Variants in FLVCR2 observed in about 807,000 individuals in gnomAD.
FLVCR2 encodes choline/ethanolamine transporter FLVCR2.
In FLVCR2, 38 loss-of-function variants were observed where a neutral mutation model predicts 48.9. That is an observed-to-expected ratio of 0.78 (90% CI 0.60 to 1.02). FLVCR2 has a LOEUF of 1.02. Among genes scored for constraint, FLVCR2 ranks in the 50% least tolerant of loss-of-function variants. The pLI is 0.00. For synonymous variants in FLVCR2, 255 were observed against 257.0 expected (o/e 0.99, Z 0.07); for missense variants, 664 against 663.3 (o/e 1.00, Z -0.01).
intron 1 of FLVCR2, among the ~76,000 whole-genome samples, chr14:75,595,455 G>A: frequency 6.6e-6 from 1 of 152,226 alleles, no homozygotes; most frequent in East Asian, 1.9e-4. Flanking sequence ...ACCCAGAGAG[G>A]CTGAGAGTTT....
At chr14:75,586,889 A>T (rs1888765432) in intron 1 of FLVCR2, among the ~76,000 whole-genome samples, 1 of 152,112 alleles carries the variant, frequency 6.6e-6, no homozygotes, top group African/African-American at 2.4e-5. Flanking sequence ...GGTTTTAAAA[A>T]ATTGTGCCAG....
chr14:75,641,815 CT>C, intron 8 of FLVCR2, 27 bp from the exon 9 acceptor site: 1 of 1,603,548 alleles, frequency 6.2e-7, no homozygotes, highest in South Asian at 1.1e-5. Flanking sequence ...ATTTTTGTCT[CT>C]CTTCCTTCTC....
At chr14:75,579,686 T>C in intron 1 of FLVCR2, 45 bp downstream of exon 1, 1 of 1,597,774 alleles carries the variant, frequency 6.3e-7, no homozygotes, top group Non-Finnish European at 8.6e-7. Context: ...GTGTGTTAGA[T>C]TGCACCTAAC....
In FLVCR2 at chr14:75,587,888, C is replaced by G. The variant is rs565296305; in HGVS notation, c.669+8247C>G. Among the ~76,000 whole-genome samples the G allele has an allele frequency of 3.9e-4, 59 of 152,274 alleles. No homozygotes were observed. The South Asian group carries it at 0.012, about 32-fold the overall frequency. On this transcript the variant is annotated intron_variant, in intron 1 of 9. Transcript: ENST00000238667. ...GGACTTCGCCAGGACCTTTGGGTAG[C>G]TCATAGCACAGTGCAATCTAGAAAT... is the stretch of plus-strand genomic sequence containing the variant.
intron 1 of FLVCR2, among the ~76,000 whole-genome samples, chr14:75,584,428 C>T (rs1047440632): frequency 2.0e-5 from 3 of 152,142 alleles, no homozygotes; most frequent in African/African-American, 7.2e-5. Context: ...AAGGCGCCTT[C>T]CGGCCCCTCT....
chr14:75,639,367 AGTCT>A lies in FLVCR2; in HGVS notation c.1141_1144del (p.Val381IlefsTer3), dbSNP rs765116778. ...CTACTTGTAGAGAGACAACCCTGGT[AGTCT>A]ATATCATGACACTGGTGGGCATGGT... On this transcript the variant is annotated frameshift_variant, in exon 6 of 10. Transcript: ENST00000238667. LOFTEE classifies it high-confidence loss of function. 6.2e-7 allele frequency: 1 copy of A among 1,610,102 alleles called. No individual in the cohort carries two copies.
At position 75,582,810 on chromosome 14, in the gene FLVCR2, G is replaced by A. The variant is rs543422683; in HGVS notation, c.669+3169G>A. On this transcript the variant is annotated intron_variant, in intron 1 of 9. Transcript: ENST00000238667. ...TTTGCTTTTGTGAGTTTATAAAATG[G>A]TTTAGTCAGGATGGTAAAACTAGGT... 4.4e-4 allele frequency among the ~76,000 whole-genome samples: 67 copies of A among 152,190 alleles called. 1 individual carries two copies. Among genetic ancestry groups the A allele is most frequent in the Non-Finnish European group, 9.4e-4 (64 of 68,032 alleles).
chr14:75,588,358 C>A (rs558073716), intron 1 of FLVCR2, among the ~76,000 whole-genome samples: 1 of 152,322 alleles, frequency 6.6e-6, no homozygotes, highest in East Asian at 1.9e-4. Context: ...AACCCACCCT[C>A]ATTTTAATGA....
intron 6 of FLVCR2, among the ~76,000 whole-genome samples, chr14:75,640,034 C>A (rs566053204): frequency 1.3e-5 from 2 of 152,158 alleles, no homozygotes; most frequent in South Asian, 4.2e-4. Flanking sequence ...CCAAGGCAGG[C>A]AGATCACAAG....
intron 1 of FLVCR2, among the ~76,000 whole-genome samples, chr14:75,590,076 G>T (rs1888845401): frequency 6.6e-6 from 1 of 152,196 alleles, no homozygotes; most frequent in African/African-American, 2.4e-5. Flanking sequence ...CTGGCTTCTG[G>T]CAAGGGCTTC....
chr14:75,643,183 G>T (rs764138987), intron 9 of FLVCR2, among the ~76,000 whole-genome samples: 64 of 152,206 alleles, frequency 4.2e-4, no homozygotes, highest in Admixed American at 7.2e-4. Context: ...TTTAATGCCT[G>T]CATAGTGTTC....
At chr14:75,628,966 C>T (rs1161124161) in intron 3 of FLVCR2, among the ~76,000 whole-genome samples, 1 of 152,156 alleles carries the variant, frequency 6.6e-6, no homozygotes, top group Non-Finnish European at 1.5e-5. Context: ...CTTCTTTGGT[C>T]CAAACCAGAT....
intron 8 of FLVCR2, 49 bp from the exon 9 acceptor site, chr14:75,641,794 G>C: frequency 1.3e-6 from 2 of 1,505,862 alleles, no homozygotes; most frequent in East Asian, 2.3e-5. Flanking sequence ...TCGGATGAAC[G>C]TGATAACTGT....
At chr14:75,642,038 T>C in intron 9 of FLVCR2, 140 bp downstream of exon 9, 1 of 767,852 alleles carries the variant, frequency 1.3e-6, no homozygotes, top group South Asian at 1.5e-5. Flanking sequence ...CCCTTACACA[T>C]GGCATCCTAA....
At chr14:75,619,771 A>G (rs1292087660) in intron 1 of FLVCR2, among the ~76,000 whole-genome samples, 1 of 152,090 alleles carries the variant, frequency 6.6e-6, no homozygotes, top group Non-Finnish European at 1.5e-5. Flanking sequence ...GCTAAGGCCC[A>G]CCCATCCAAC....
intron 1 of FLVCR2, among the ~76,000 whole-genome samples, chr14:75,599,574 T>C (rs1889113962): frequency 6.6e-6 from 1 of 152,204 alleles, no homozygotes; most frequent in African/African-American, 2.4e-5. Flanking sequence ...AAAATCCCAG[T>C]AATGGTTTTC....
chr14:75,598,480 CTTT>C (rs1355613956), intron 1 of FLVCR2, among the ~76,000 whole-genome samples: 1 of 151,620 alleles, frequency 6.6e-6, no homozygotes, highest in African/African-American at 2.4e-5. Context: ...AGTGATTTTT[CTTT>C]TTTCCGTTTT....
chr14:75,590,718 G>A (rs1888859467), intron 1 of FLVCR2, among the ~76,000 whole-genome samples: 1 of 152,204 alleles, frequency 6.6e-6, no homozygotes, highest in Admixed American at 6.5e-5. Flanking sequence ...CTCTGTCCAG[G>A]TGATGTGTGT....
chr14:75,590,235 C>A (rs374002971), intron 1 of FLVCR2, among the ~76,000 whole-genome samples: 1 of 152,212 alleles, frequency 6.6e-6, no homozygotes, highest in African/African-American at 2.4e-5. Flanking sequence ...ATGAGAGTGA[C>A]AACTCACTAC....
Sources: gnomAD v4.1 joint callset for allele counts (sites outside exome capture counted in the v4.1 genomes callset) on GRCh38, gnomAD v4.1.1 for gene constraint, MANE v1.5 for transcripts, NCBI Gene and HGNC (gene_info 2026-07-23, HGNC 2026-07-21) for gene names.